IGSF10: variants seen among roughly 807,000 people sequenced by gnomAD.
IGSF10 encodes the protein immunoglobulin superfamily member 10.
Under a neutral mutation model 128.2 loss-of-function variants are expected in IGSF10, and 126 were observed. That is an observed-to-expected ratio of 0.98 (90% CI 0.85 to 1.14). The LOEUF (loss-of-function observed/expected upper bound fraction) is 1.14. Ranked by LOEUF, IGSF10 falls within the 50% of genes most tolerant of loss-of-function variation. The probability of loss-of-function intolerance (pLI) is 0.00; values close to 1 mark genes in which losing one functional copy is unlikely to be tolerated. For missense variants in IGSF10, 3,295 were observed against 3,149.8 expected, an observed-to-expected ratio of 1.05 and a Z score of -1.10; for synonymous variants, 1,185 against 1,146.2, an observed-to-expected ratio of 1.03 and a Z score of -0.68.
the IGSF10 span, among the ~76,000 whole-genome samples, chr3:151,485,841 A>G: frequency 6.6e-6 from 1 of 152,360 alleles, no homozygotes; most frequent in East Asian, 1.9e-4. Context: ...CAGCCACTGC[A>G]AAGTCATACC....
the IGSF10 span, among the ~76,000 whole-genome samples, chr3:151,570,420 C>T: frequency 7.9e-5 from 12 of 152,248 alleles, no homozygotes; most frequent in South Asian, 6.2e-4. Context: ...TTTTAATGAT[C>T]GCCATTCTAA....
At chr3:151,471,916 G>C in the IGSF10 span, among the ~76,000 whole-genome samples, 2 of 152,144 alleles carry the variant, frequency 1.3e-5, no homozygotes, top group Non-Finnish European at 2.9e-5. Flanking sequence ...ACAATGCAAT[G>C]CATCTCATTT....
Position 151,445,114 on chromosome 3 carries a change from T to A in IGSF10, c.4867A>T (p.Lys1623Ter). ...QKNTKKSDFD[K>*]KPVQEATTSK... ...GTTGTTGCTTCTTGAACTGGTTTCTTATCAAAGTCACTCTTCTTTGTGTTC... is the reference window on the plus strand; with the variant it reads ...GTTGTTGCTTCTTGAACTGGTTTCTAATCAAAGTCACTCTTCTTTGTGTTC... Residue 1623 changes from lysine to a stop codon, truncating the protein, a stop_gained, in exon 6 of 8, where the codon AAG becomes TAG. Transcript: ENST00000282466. LOFTEE classifies it high-confidence loss of function. 6.2e-7 allele frequency: 1 copy of A among 1,614,130 alleles called. No individual in the cohort carries two copies. Among genetic ancestry groups the A allele is most frequent in the Non-Finnish European group, 8.5e-7 (1 of 1,180,020 alleles).
the IGSF10 span, among the ~76,000 whole-genome samples, chr3:151,618,256 T>C: frequency 6.6e-6 from 1 of 152,196 alleles, no homozygotes; most frequent in African/African-American, 2.4e-5. Context: ...GCTGGCACCT[T>C]GCTCTTGGAC....
Position 151,448,908 on chromosome 3 carries a change from A to T in IGSF10, c.1073T>A (p.Phe358Tyr). The T allele has an allele frequency of 1.2e-6, 2 of 1,614,216 alleles. No homozygotes were observed. The highest frequency in any genetic ancestry group is 8.5e-7 in the Non-Finnish European group (1 of 1,180,036). Residue 358 changes from phenylalanine (F) to tyrosine (Y), a missense_variant, in exon 6 of 8, where the codon TTT becomes TAT. Coordinates refer to ENST00000282466, the MANE Select transcript of IGSF10 (RefSeq NM_178822.5). ...TATGTTGCACACCAAAAATGTTGAA[A>T]ATGAAGTATTTAGCACGATGTAGTC... Reference protein sequence around the residue: ...ENDYIVLNTSFSTFLVCNIDY... With the variant: ...ENDYIVLNTSYSTFLVCNIDY...
the IGSF10 span, among the ~76,000 whole-genome samples, chr3:151,524,578 G>A: frequency 6.6e-6 from 1 of 152,146 alleles, no homozygotes; most frequent in Admixed American, 6.6e-5. Context: ...GCTAAATGAT[G>A]AGAACTAGTG....
chr3:151,457,323 C>T (rs1054656676), intron 3 of IGSF10, among the ~76,000 whole-genome samples, 168 bp from the exon 4 acceptor site: 3 of 152,198 alleles, frequency 2.0e-5, no homozygotes, highest in Admixed American at 6.5e-5. Context: ...CACAGAAGGT[C>T]GGCTCTCTAC....
the IGSF10 span, among the ~76,000 whole-genome samples, chr3:151,491,031 A>T: frequency 2.6e-5 from 4 of 152,146 alleles, no homozygotes; most frequent in African/African-American, 9.6e-5. Flanking sequence ...ATAAACAGAA[A>T]ACAGAAAGCC....
At chr3:151,581,225 G>A in the IGSF10 span, among the ~76,000 whole-genome samples, 1 of 152,068 alleles carries the variant, frequency 6.6e-6, no homozygotes, top group Non-Finnish European at 1.5e-5. Flanking sequence ...AACCAGAAGT[G>A]ACGTAATGTG....
the IGSF10 span, among the ~76,000 whole-genome samples, chr3:151,509,498 G>T: frequency 6.6e-6 from 1 of 152,202 alleles, no homozygotes; most frequent in Non-Finnish European, 1.5e-5. Flanking sequence ...TCTGGGGGTA[G>T]AGCCAAGATG....
the IGSF10 span, among the ~76,000 whole-genome samples, chr3:151,466,789 G>C: frequency 6.6e-6 from 1 of 152,068 alleles, no homozygotes. Context: ...ATGTTGGTCA[G>C]GCTAGTCTTG....
At chr3:151,440,958 A>C (rs1720818295) in intron 7 of IGSF10, among the ~76,000 whole-genome samples, 1 of 152,200 alleles carries the variant, frequency 6.6e-6, no homozygotes, top group African/African-American at 2.4e-5. Context: ...GGATGTAGAA[A>C]CCCACTCTTT....
the IGSF10 span, among the ~76,000 whole-genome samples, chr3:151,586,257 G>T: frequency 6.6e-6 from 1 of 152,034 alleles, no homozygotes; most frequent in Non-Finnish European, 1.5e-5. Flanking sequence ...AAGGCACCTG[G>T]CCCATATTAA....
the IGSF10 span, among the ~76,000 whole-genome samples, chr3:151,519,793 GA>G: frequency 6.6e-6 from 1 of 151,798 alleles, no homozygotes; most frequent in African/African-American, 2.4e-5. Context: ...TCCCAGGTGA[GA>G]GTAAAGCCTT....
At position 151,457,021 on chromosome 3, in the gene IGSF10, C is replaced by A; in HGVS notation, c.324+5G>T. On this transcript the variant is annotated splice_donor_5th_base_variant and intron_variant, in intron 4 of 7. Coordinates refer to ENST00000282466, the MANE Select transcript of IGSF10 (RefSeq NM_178822.5). ...TAACCTGCCCCCTCTCTCCATCAGT[C>A]TCACCTGCAAGGCCTGCAAATCTGA... 2 of 1,614,160 alleles carry A rather than the reference C, an allele frequency of 1.2e-6. No individual in the cohort carries two copies. Among genetic ancestry groups the A allele is most frequent in the Non-Finnish European group, 1.7e-6 (2 of 1,180,020 alleles).
chr3:151,477,947 A>G, the IGSF10 span, among the ~76,000 whole-genome samples: 3 of 152,254 alleles, frequency 2.0e-5, no homozygotes, highest in East Asian at 3.8e-4. Context: ...TAAATTTCAT[A>G]TAATTTTAAT....
the IGSF10 span, among the ~76,000 whole-genome samples, chr3:151,595,130 G>T: frequency 6.6e-6 from 1 of 152,134 alleles, no homozygotes; most frequent in Non-Finnish European, 1.5e-5. Context: ...GTTGGCAAGG[G>T]TGTGGATAAA....
intron 3 of IGSF10, 60 bp downstream of exon 3, chr3:151,458,456 G>C (rs1480782158): frequency 1.6e-6 from 2 of 1,247,798 alleles, no homozygotes; most frequent in South Asian, 1.6e-5. Context: ...ATGTTTGAGG[G>C]ACAAGTCACT....
chr3:151,460,359 A>G lies in IGSF10; in HGVS notation c.-88-12T>C. On this transcript the variant is annotated splice_polypyrimidine_tract_variant and intron_variant, in intron 1 of 7. Coordinates refer to ENST00000282466, the MANE Select transcript of IGSF10 (RefSeq NM_178822.5). The stretch of plus-strand genomic sequence containing the variant: ...AATTGTGTCCAAACCTGAGGGAGGA[A>G]AAGTTCTCTGCTCCAAAGTGAGCAA... 1 of 894,344 alleles carries G rather than the reference A, an allele frequency of 1.1e-6. No homozygotes were observed. The highest frequency in any genetic ancestry group is 1.3e-6 in the Non-Finnish European group (1 of 746,898). The allele number at this position is 894,344 out of a possible 1,614,324, so 55.4% of individuals were successfully genotyped here. A position where few individuals can be genotyped will look rare whatever the true frequency, so the allele number is the denominator to read the frequency against.
Sources: allele counts gnomAD v4.1 joint callset (sites outside exome capture counted in the v4.1 genomes callset), GRCh38; gene constraint gnomAD v4.1.1; transcripts MANE v1.5; gene names NCBI Gene and HGNC (gene_info 2026-07-23, HGNC 2026-07-21).